The following CNTNAP2 variants were observed in gnomAD, a reference collection of about 807,000 sequenced individuals.
The protein encoded by CNTNAP2 is contactin associated protein 2, also known as contactin-associated protein-like 2.
Under a neutral mutation model 155.2 loss-of-function variants are expected in CNTNAP2, and 98 were observed. The ratio of observed to expected loss-of-function variants is 0.63; its 90% CI spans 0.54 to 0.75. The LOEUF is 0.75. Among genes scored for constraint, CNTNAP2 ranks in the 30% least tolerant of loss-of-function variants. The probability of loss-of-function intolerance (pLI) is 0.00; values close to 1 mark genes in which losing one functional copy is unlikely to be tolerated. For synonymous variants in CNTNAP2, 651 were observed against 631.2 expected (o/e 1.03, Z -0.47); for missense variants, 1,727 against 1,688.1 (o/e 1.02, Z -0.40).
chr7:147,939,891 A>T (rs1245819537), intron 14 of CNTNAP2: 1 of 151,972 alleles, frequency 6.6e-6, no homozygotes, highest in Non-Finnish European at 1.5e-5. Context: ...TGGGTCTGAG[A>T]GTTGTTCAGT....
At chr7:146,456,185 G>C (rs931970686) in intron 1 of CNTNAP2, among the ~76,000 whole-genome samples, 2 of 152,152 alleles carry the variant, frequency 1.3e-5, no homozygotes, top group African/African-American at 2.4e-5. Context: ...GGAAGTTTGT[G>C]AATGCCAGAA....
intron 23 of CNTNAP2, 97 bp downstream of exon 23, chr7:148,409,568 G>C: frequency 1.0e-6 from 1 of 982,338 alleles, no homozygotes; most frequent in East Asian, 2.4e-5. Context: ...AGTTTTCTAG[G>C]TTTTTACATT....
rs1798980547 is a variant in CNTNAP2, at chr7:148,376,552, A to T, written c.3476-7097A>T. 3.0e-5 allele frequency among the ~76,000 whole-genome samples: 2 copies of T among 67,112 alleles called. 1 individual carries two copies. Among genetic ancestry groups the T allele is most frequent in the African/African-American group, 7.3e-5 (2 of 27,428 alleles). 44.0% of individuals were successfully genotyped at this position (67,112 alleles called of 152,430 possible). ...AATTAAAATTCAAAATGTGGTAGAG[A>T]CACTAGAAGGAAAAATGATTCTGCT... On this transcript the variant is annotated intron_variant, in intron 21 of 23. Transcript: ENST00000361727.
intron 13 of CNTNAP2, among the ~76,000 whole-genome samples, chr7:147,833,052 G>T (rs1480129342): frequency 2.0e-5 from 3 of 149,666 alleles, no homozygotes; most frequent in Non-Finnish European, 4.4e-5. Context: ...GCTGAAAAGA[G>T]TTCTTTCAGC....
At chr7:147,927,330 G>A (rs1432426805) in intron 14 of CNTNAP2, among the ~76,000 whole-genome samples, 1 of 152,164 alleles carries the variant, frequency 6.6e-6, no homozygotes, top group African/African-American at 2.4e-5. Context: ...CTGATGGTCT[G>A]ATTAGATTCA....
rs964263821 is a variant in CNTNAP2 at position 146,653,432 on chromosome 7, A to T, written c.98-120839A>T. Among the ~76,000 whole-genome samples, 6 of 152,292 alleles carry T rather than the reference A, an allele frequency of 3.9e-5. No homozygotes were observed. In the East Asian group the frequency reaches 1.2e-3, roughly 29 times the overall value. ...TGCCTTCATGGAGCTTCTCGGCTAG[A>T]CTGTGTATAAATTTTCAATCTACAG... On this transcript the variant is annotated intron_variant, in intron 1 of 23. Coordinates refer to ENST00000361727, the MANE Select transcript of CNTNAP2 (RefSeq NM_014141.6).
At chr7:146,836,982 C>G (rs530102586) in intron 2 of CNTNAP2, among the ~76,000 whole-genome samples, 2 of 151,994 alleles carry the variant, frequency 1.3e-5, no homozygotes, top group South Asian at 4.2e-4. Flanking sequence ...AAGTTGTAAC[C>G]CTCTGAATAC....
intron 1 of CNTNAP2, among the ~76,000 whole-genome samples, chr7:146,647,738 C>T (rs1799839057): frequency 6.6e-6 from 1 of 152,104 alleles, no homozygotes; most frequent in Non-Finnish European, 1.5e-5. Context: ...CTTCTTGATC[C>T]CAACAGTTAG....
At chr7:147,079,796 A>T (rs543644872) in intron 4 of CNTNAP2, among the ~76,000 whole-genome samples, 1 of 152,118 alleles carries the variant, frequency 6.6e-6, no homozygotes, top group African/African-American at 2.4e-5. Flanking sequence ...ACACAATAAC[A>T]ATCCCATAGC....
intron 11 of CNTNAP2, among the ~76,000 whole-genome samples, chr7:147,498,546 T>A (rs1375383408): frequency 6.6e-6 from 1 of 152,222 alleles, no homozygotes; most frequent in Non-Finnish European, 1.5e-5. Context: ...TACAGAATGA[T>A]GCATAGGGCA....
Position 146,638,476 on chromosome 7 carries a change from C to CTTTT in CNTNAP2, c.98-135776_98-135773dup, listed in dbSNP as rs879600389. On this transcript the variant is annotated intron_variant, in intron 1 of 23. Transcript: ENST00000361727. Reference sequence around the variant, plus strand: ...AACAGTTTAATACAGTCAGGTGTTTCTTTTTTTTTTTTTTTTTTTTTTCTT... The same window carrying CTTTT: ...AACAGTTTAATACAGTCAGGTGTTTCTTTTTTTTTTTTTTTTTTTTTTTTTTCTT... Among the ~76,000 whole-genome samples, 612 of 64,328 alleles carry CTTTT rather than the reference C, an allele frequency of 9.5e-3. 35 individuals carry two copies. Among genetic ancestry groups the CTTTT allele is most frequent in the African/African-American group, 0.021 (432 of 20,726 alleles). 42.2% of individuals were successfully genotyped at this position (64,328 alleles called of 152,430 possible).
chr7:146,247,105 G>A (rs541623105), intron 1 of CNTNAP2, among the ~76,000 whole-genome samples: 69 of 152,210 alleles, frequency 4.5e-4, no homozygotes, highest in Non-Finnish European at 2.4e-4. Context: ...AGAATAAGAC[G>A]GCCTTTTGAC....
At chr7:147,316,571 CTCAA>C (rs1344320914) in intron 9 of CNTNAP2, among the ~76,000 whole-genome samples, 1 of 152,022 alleles carries the variant, frequency 6.6e-6, no homozygotes. Context: ...AAGGTTAGCC[CTCAA>C]TCACTTATTA....
At position 147,507,965 on chromosome 7, in the gene CNTNAP2, T is replaced by C. The variant is rs180761249; in HGVS notation, c.1777+21924T>C. 2.4e-3 allele frequency among the ~76,000 whole-genome samples: 364 copies of C among 152,284 alleles called. 1 individual carries two copies. Among genetic ancestry groups the C allele is most frequent in the Non-Finnish European group, 4.1e-3 (279 of 68,014 alleles). ...CAGTATACTTCCTGGGCTTTTTCTTTAGCCTTGTCCTCCAGTAGTGGTGCT... is the reference window on the plus strand; with the variant it reads ...CAGTATACTTCCTGGGCTTTTTCTTCAGCCTTGTCCTCCAGTAGTGGTGCT... On this transcript the variant is annotated intron_variant, in intron 11 of 23. Coordinates refer to ENST00000361727, the MANE Select transcript of CNTNAP2 (RefSeq NM_014141.6).
Position 148,258,358 on chromosome 7 carries a change from A to G in CNTNAP2, c.3382-8675A>G, listed in dbSNP as rs371397366. On this transcript the variant is annotated intron_variant, in intron 20 of 23. Coordinates refer to ENST00000361727, the MANE Select transcript of CNTNAP2 (RefSeq NM_014141.6). ...AATCCTACTTCTTTATCTCCCACACATCTACATTTGCTCCATGTCCTCTCC... is the reference window on the plus strand; with the variant it reads ...AATCCTACTTCTTTATCTCCCACACGTCTACATTTGCTCCATGTCCTCTCC... Among the ~76,000 whole-genome samples the G allele has an allele frequency of 7.9e-5, 12 of 152,266 alleles. No homozygotes were observed. In the East Asian group the frequency reaches 9.6e-4, roughly 12 times the overall value.
At chr7:146,938,359 C>G (rs992789617) in intron 3 of CNTNAP2, among the ~76,000 whole-genome samples, 8 of 145,204 alleles carry the variant, frequency 5.5e-5, no homozygotes, top group Non-Finnish European at 1.2e-4. Flanking sequence ...TGTATATTTA[C>G]ATATATAATA....
chr7:147,004,750 TTTA>T (rs1798494729), intron 3 of CNTNAP2, among the ~76,000 whole-genome samples: 1 of 152,064 alleles, frequency 6.6e-6, no homozygotes, highest in African/African-American at 2.4e-5. Context: ...AACTCACACT[TTTA>T]TTATTGCCTT....
At chr7:148,135,968 A>AGAGG (rs1450835036) in intron 16 of CNTNAP2, among the ~76,000 whole-genome samples, 12 of 84,446 alleles carry the variant, frequency 1.4e-4, no homozygotes, top group African/African-American at 4.8e-4. Context: ...CATTGGGAAG[A>AGAGG]GAGGGAGGAA....
intron 13 of CNTNAP2, among the ~76,000 whole-genome samples, chr7:147,681,401 T>G (rs954567388): frequency 6.6e-6 from 1 of 151,938 alleles, no homozygotes; most frequent in African/African-American, 2.4e-5. Context: ...CCCCAAATAT[T>G]AACCTGAGGA....
Sources: allele counts gnomAD v4.1 joint callset (sites outside exome capture counted in the v4.1 genomes callset), GRCh38; gene constraint gnomAD v4.1.1; transcripts MANE v1.5; gene names NCBI Gene and HGNC (gene_info 2026-07-23, HGNC 2026-07-21).